Variants in CTAGE9 observed in about 807,000 individuals in gnomAD.
CTAGE9 encodes the protein CTAGE family member 9.
For synonymous variants in CTAGE9, 107 were observed against 315.9 expected (o/e 0.34, Z 7.01); for missense variants, 248 against 884.0 (o/e 0.28, Z 9.12).
Position 131,710,154 on chromosome 6 carries a change from C to T in CTAGE9, c.864G>A (p.Thr288=), listed in dbSNP as rs770397968. 1.4e-5 allele frequency: 23 copies of T among 1,613,550 alleles called. No individual in the cohort carries two copies. The highest frequency in any genetic ancestry group is 8.8e-5 in the South Asian group (8 of 91,050). ...CTTTTAATTCCAGGTTATCATCATC[C>T]GTTGTGTCTTCTTCAAGCACAGCAG... ...DQAAVLEEDT[T]DDDNLELKVN... Residue 288 remains threonine, a synonymous_variant, in exon 1 of 1, where the codon ACG becomes ACA. Transcript: ENST00000314099.
chr6:131,709,757 C>A lies in CTAGE9; in HGVS notation c.1261G>T (p.Glu421Ter), dbSNP rs569921351. The change falls in exon 1 of 1, where the codon GAA (glutamate) becomes TAA (stop). Residue 421 changes from glutamate to a stop codon, truncating the protein, a stop_gained. Transcript: ENST00000314099. LOFTEE classifies it low-confidence loss of function (END_TRUNC). ...EEEEKLSRVE[E>*]KISHATEELE... ...TCTTCAGTGGCATGGCTGATCTTTTCTTCCACTCTAGAAAGCTTCTCTTCT... is the reference window on the plus strand; with the variant it reads ...TCTTCAGTGGCATGGCTGATCTTTTATTCCACTCTAGAAAGCTTCTCTTCT... The A allele has an allele frequency of 1.9e-6, 3 of 1,613,872 alleles. No individual in the cohort carries two copies. The South Asian group carries it at 3.3e-5, about 18-fold the overall frequency.
chr6:131,710,800 C>G lies in CTAGE9; in HGVS notation c.218G>C (p.Gly73Ala), dbSNP rs766138979. The G allele has an allele frequency of 1.9e-6, 3 of 1,613,548 alleles. No homozygotes were observed. The highest frequency in any genetic ancestry group is 3.3e-5 in the Admixed American group (2 of 59,984). Residue 73 changes from glycine (G) to alanine (A), a missense_variant, in exon 1 of 1, where the codon GGA (glycine) becomes GCA (alanine). By Grantham distance (60) the Gly-to-Ala change is moderately conservative. Coordinates refer to ENST00000314099, the MANE Select transcript of CTAGE9 (RefSeq NM_001145659.1). ...FRSVRSRLYV[G>A]REQKLGATLS... is the part of the protein sequence containing the mutation. ...CGTTGCACCAAGTTTTTGCTCTCTT[C>G]CCACATAAAGCCGACTCCTAACCGA...
At position 131,709,698 on chromosome 6, in the gene CTAGE9, A is replaced by G; in HGVS notation, c.1320T>C (p.Leu440=). The G allele has an allele frequency of 1.9e-6, 3 of 1,613,608 alleles. No individual in the cohort carries two copies. Among genetic ancestry groups the G allele is most frequent in the Admixed American group, 1.7e-5 (1 of 59,964 alleles). The change falls in exon 1 of 1, where the codon CTT becomes CTC. Residue 440 remains leucine, a synonymous_variant. Coordinates refer to ENST00000314099, the MANE Select transcript of CTAGE9 (RefSeq NM_001145659.1). The stretch of plus-strand genomic sequence containing the variant: ...GAACAGTTCTCTCCAATTCTTCTTC[A>G]AGATCTTTGGCTAGCTTTCTATAGG... The part of the protein sequence containing the change: ...LETYRKLAKD[L]EEELERTVHF...
Position 131,710,871 on chromosome 6 carries a change from A to G in CTAGE9, c.147T>C (p.Val49=). ...AAAGGAGAACAACAAAAAATCCAAT[A>G]ACAGCTGCACATACCACCAGTTCCG... The part of the protein sequence containing the change: ...FPSELVVCAA[V]IGFFVVLLFL... Residue 49 remains valine, a synonymous_variant, in exon 1 of 1, where the codon GTT becomes GTC. Coordinates refer to ENST00000314099, the MANE Select transcript of CTAGE9 (RefSeq NM_001145659.1). 7 of 1,610,902 alleles carry G rather than the reference A, an allele frequency of 4.3e-6. No individual in the cohort carries two copies. The highest frequency in any genetic ancestry group is 5.1e-6 in the Non-Finnish European group (6 of 1,179,762).
Position 131,709,636 on chromosome 6 carries a change from C to G in CTAGE9, c.1382G>C (p.Arg461Thr), listed in dbSNP as rs769410729. ...YQKQVISYEK[R>T]GHDNWLAART... is the part of the protein sequence containing the mutation. The stretch of plus-strand genomic sequence containing the variant: ...AGCTGCCAACCAATTATCATGTCCT[C>G]TTTTCTCGTAGGAAATAACCTGCTT... The change falls in exon 1 of 1, where the codon AGA becomes ACA. Residue 461 changes from arginine (R) to threonine (T), a missense_variant. Arg to Thr is a moderately conservative substitution (Grantham distance 71). Transcript: ENST00000314099. 2.5e-6 allele frequency: 4 copies of G among 1,611,524 alleles called. No homozygotes were observed. Among genetic ancestry groups the G allele is most frequent in the Admixed American group, 1.7e-5 (1 of 59,806 alleles).
Position 131,710,585 on chromosome 6 carries a change from C to T in CTAGE9, c.433G>A (p.Glu145Lys). 6.2e-7 allele frequency: 1 copy of T among 1,613,332 alleles called. No individual in the cohort carries two copies. Among genetic ancestry groups the T allele is most frequent in the Non-Finnish European group, 8.5e-7 (1 of 1,179,862 alleles). Reference sequence around the variant, plus strand: ...AAGTCTTTTTCTAGACAGAGGATTTCATCCTCAAGTTCAGAATTGGACCTG... The same window carrying T: ...AAGTCTTTTTCTAGACAGAGGATTTTATCCTCAAGTTCAGAATTGGACCTG... ...LSRSNSELED[E>K]ILCLEKDLKE... Residue 145 changes from glutamate (E) to lysine (K), a missense_variant, in exon 1 of 1, where the codon GAA (glutamate) becomes AAA (lysine). Physicochemically the swap from Glu to Lys is moderately conservative, Grantham distance 56 (BLOSUM62 1). Transcript: ENST00000314099.
rs1383617044 is a variant in CTAGE9, at chr6:131,710,838, C to G, written c.180G>C (p.Trp60Cys). ...IGFFVVLLFL[W>C]RSFRSVRSRL... ...GACTCCTAACCGATCTAAAACTTCT[C>G]CACAAAAAAAGGAGAACAACAAAAA... Residue 60 changes from tryptophan (W) to cysteine (C), a missense_variant, in exon 1 of 1, where the codon TGG becomes TGC. Transcript: ENST00000314099. 1 of 1,613,020 alleles carries G rather than the reference C, an allele frequency of 6.2e-7. No individual in the cohort carries two copies. The highest frequency in any genetic ancestry group is 1.3e-5 in the African/African-American group (1 of 74,396).
Position 131,709,719 on chromosome 6 carries a change from A to G in CTAGE9, c.1299T>C (p.Tyr433=), listed in dbSNP as rs1295443067. The change falls in exon 1 of 1, where the codon TAT becomes TAC. Residue 433 remains tyrosine, a synonymous_variant. Transcript: ENST00000314099. The part of the protein sequence containing the change: ...ISHATEELET[Y]RKLAKDLEEE... ...CTTCAAGATCTTTGGCTAGCTTTCT[A>G]TAGGTCTCCAGCTCTTCAGTGGCAT... 7 of 1,613,822 alleles carry G rather than the reference A, an allele frequency of 4.3e-6. No homozygotes were observed. In the South Asian group the frequency reaches 5.5e-5, roughly 13 times the overall value.
Position 131,710,762 on chromosome 6 carries a change from T to G in CTAGE9, c.256A>C (p.Ile86Leu), listed in dbSNP as rs1779765408. 1 of 1,612,812 alleles carries G rather than the reference T, an allele frequency of 6.2e-7. No individual in the cohort carries two copies. The change falls in exon 1 of 1, where the codon ATT (isoleucine) becomes CTT (leucine). Residue 86 changes from isoleucine (I) to leucine (L), a missense_variant. Transcript: ENST00000314099. ...QKLGATLSGLIEEKCKLLEKF... is the reference protein window; with the variant it reads ...QKLGATLSGLLEEKCKLLEKF... ...TCAAGTAGTTTACATTTTTCTTCAA[T>G]TAGTCCAGAAAGCGTTGCACCAAGT...
chr6:131,710,198 G>A lies in CTAGE9; in HGVS notation c.820C>T (p.Pro274Ser), dbSNP rs759787693. 28 of 1,608,340 alleles carry A rather than the reference G, an allele frequency of 1.7e-5. No individual in the cohort carries two copies. Among genetic ancestry groups the A allele is most frequent in the South Asian group, 5.5e-5 (5 of 90,160 alleles). ...NHIKTLTGHLPMMKDQAAVLE... is the reference protein window; with the variant it reads ...NHIKTLTGHLSMMKDQAAVLE... ...ACAGCAGCCTGATCTTTCATCATTGGCAAGTGTCCAGTCAGGGTCTTGATG... is the reference window on the plus strand; with the variant it reads ...ACAGCAGCCTGATCTTTCATCATTGACAAGTGTCCAGTCAGGGTCTTGATG... The change falls in exon 1 of 1, where the codon CCA becomes TCA. Residue 274 changes from proline to serine, a missense_variant. Pro to Ser is a moderately conservative substitution (Grantham distance 74). Transcript: ENST00000314099.
Position 131,710,986 on chromosome 6 carries a change from T to G in CTAGE9, c.32A>C (p.Tyr11Ser). Reference protein sequence around the residue: MEEPGATPQPYLGLVLEELGR... With the variant: MEEPGATPQPSLGLVLEELGR... Reference sequence around the variant, plus strand: ...TAGCTCCTCCAGGACCAGCCCCAGGTAGGGCTGAGGGGTAGCACCAGGCTC... The same window carrying G: ...TAGCTCCTCCAGGACCAGCCCCAGGGAGGGCTGAGGGGTAGCACCAGGCTC... The change falls in exon 1 of 1, where the codon TAC becomes TCC. Residue 11 changes from tyrosine to serine, a missense_variant. Tyr to Ser is a moderately radical substitution (Grantham distance 144, BLOSUM62 -2). Coordinates refer to ENST00000314099, the MANE Select transcript of CTAGE9 (RefSeq NM_001145659.1). The G allele has an allele frequency of 6.3e-7, 1 of 1,576,518 alleles. No homozygotes were observed. The highest frequency in any genetic ancestry group is 8.5e-7 in the Non-Finnish European group (1 of 1,175,214).
Position 131,709,920 on chromosome 6 carries a change from C to T in CTAGE9, c.1098G>A (p.Leu366=). 1.3e-6 allele frequency: 2 copies of T among 1,576,604 alleles called. No homozygotes were observed. Among genetic ancestry groups the T allele is most frequent in the South Asian group, 2.3e-5 (2 of 87,014 alleles). ...IKNLQTQQAS[L]QSENIYFESE... is the part of the protein sequence containing the mutation. ...TTTCAAAATATATGTTTTCTGATTG[C>T]AAAGATGCTTGTTGAGTCTGAAGAT... Residue 366 remains leucine, a synonymous_variant, in exon 1 of 1, where the codon TTG becomes TTA. Transcript: ENST00000314099.
At position 131,710,812 on chromosome 6, in the gene CTAGE9, C is replaced by T. The variant is rs374439543; in HGVS notation, c.206G>A (p.Arg69Gln). Residue 69 changes from arginine (R) to glutamine (Q), a missense_variant, in exon 1 of 1, where the codon CGG becomes CAG. Arg to Gln is a conservative substitution (Grantham distance 43, BLOSUM62 1). Coordinates refer to ENST00000314099, the MANE Select transcript of CTAGE9 (RefSeq NM_001145659.1). ...TTTTTGCTCTCTTCCCACATAAAGC[C>T]GACTCCTAACCGATCTAAAACTTCT... Reference protein sequence around the residue: ...LWRSFRSVRSRLYVGREQKLG... With the variant: ...LWRSFRSVRSQLYVGREQKLG... 286 of 1,613,408 alleles carry T rather than the reference C, an allele frequency of 1.8e-4. No individual in the cohort carries two copies. In the African/African-American group the frequency reaches 2.9e-3, roughly 16 times the overall value.
chr6:131,709,708 G>C lies in CTAGE9; in HGVS notation c.1310C>G (p.Ala437Gly). 3 of 1,613,696 alleles carry C rather than the reference G, an allele frequency of 1.9e-6. No individual in the cohort carries two copies. The highest frequency in any genetic ancestry group is 2.5e-6 in the Non-Finnish European group (3 of 1,179,868). ...CTCCAATTCTTCTTCAAGATCTTTG[G>C]CTAGCTTTCTATAGGTCTCCAGCTC... ...TEELETYRKLAKDLEEELERT... is the reference protein window; with the variant it reads ...TEELETYRKLGKDLEEELERT... Residue 437 changes from alanine (A) to glycine (G), a missense_variant, in exon 1 of 1, where the codon GCC (alanine) becomes GGC (glycine). Transcript: ENST00000314099.
At position 131,709,975 on chromosome 6, in the gene CTAGE9, G is replaced by C; in HGVS notation, c.1043C>G (p.Thr348Arg). The part of the protein sequence containing the change: ...IIIQLSEVDK[T>R]KEELTEHIKN... The stretch of plus-strand genomic sequence containing the variant: ...AATATGCTCTGTAAGCTCTTCCTTT[G>C]TTTTGTCCACTTCAGATAACTGAAT... Residue 348 changes from threonine to arginine, a missense_variant, in exon 1 of 1, where the codon ACA (threonine) becomes AGA (arginine). Physicochemically the swap from Thr to Arg is moderately conservative, Grantham distance 71. Transcript: ENST00000314099. The C allele has an allele frequency of 6.3e-7, 1 of 1,599,302 alleles. No individual in the cohort carries two copies. Among genetic ancestry groups the C allele is most frequent in the Middle Eastern group, 2.3e-4 (1 of 4,410 alleles).
rs759309266 is a variant in CTAGE9, at chr6:131,710,947, G to C, written c.71C>G (p.Ala24Gly). Residue 24 changes from alanine to glycine, a missense_variant, in exon 1 of 1, where the codon GCA becomes GGA. By Grantham distance (60) the Ala-to-Gly change is moderately conservative (BLOSUM62 0). Coordinates refer to ENST00000314099, the MANE Select transcript of CTAGE9 (RefSeq NM_001145659.1). ...LVLEELGRVV[A>G]ALPESMRPDE... ...TGGTCTCATACTCTCAGGTAGTGCT[G>C]CCACAACTCTGCCTAGCTCCTCCAG... 5 of 1,554,916 alleles carry C rather than the reference G, an allele frequency of 3.2e-6. No homozygotes were observed. Among genetic ancestry groups the C allele is most frequent in the Middle Eastern group, 2.2e-4 (1 of 4,480 alleles).
rs1468776484 is a variant in CTAGE9 at position 131,710,050 on chromosome 6, T to A, written c.968A>T (p.Lys323Met). ...GALKKLIHAAKLNVSLKSLEG... is the reference protein window; with the variant it reads ...GALKKLIHAAMLNVSLKSLEG... ...TAAGCTTTTTAAAGAAACATTTAAC[T>A]TAGCAGCATGAATCAGTTTCTTCAA... Residue 323 changes from lysine to methionine, a missense_variant, in exon 1 of 1, where the codon AAG (lysine) becomes ATG (methionine). Coordinates refer to ENST00000314099, the MANE Select transcript of CTAGE9 (RefSeq NM_001145659.1). The A allele has an allele frequency of 6.8e-6, 11 of 1,612,776 alleles. No homozygotes were observed. In the South Asian group the frequency reaches 1.2e-4, roughly 18 times the overall value.
rs377155141 is a variant in CTAGE9 at position 131,710,870 on chromosome 6, T to C, written c.148A>G (p.Ile50Val). The change falls in exon 1 of 1, where the codon ATT becomes GTT. Residue 50 changes from isoleucine (I) to valine (V), a missense_variant. Coordinates refer to ENST00000314099, the MANE Select transcript of CTAGE9 (RefSeq NM_001145659.1). ...PSELVVCAAVIGFFVVLLFLW... is the reference protein window; with the variant it reads ...PSELVVCAAVVGFFVVLLFLW... ...AAAAGGAGAACAACAAAAAATCCAA[T>C]AACAGCTGCACATACCACCAGTTCC... The C allele has an allele frequency of 2.5e-6, 4 of 1,610,870 alleles. No homozygotes were observed. The South Asian group carries it at 4.4e-5, about 18-fold the overall frequency.
Position 131,710,564 on chromosome 6 carries a change from C to T in CTAGE9, c.454G>A (p.Asp152Asn), listed in dbSNP as rs746115212. Residue 152 changes from aspartate (D) to asparagine (N), a missense_variant, in exon 1 of 1, where the codon GAC (aspartate) becomes AAC (asparagine). By Grantham distance (23) the Asp-to-Asn change is conservative. Coordinates refer to ENST00000314099, the MANE Select transcript of CTAGE9 (RefSeq NM_001145659.1). ...LEDEILCLEK[D>N]LKEEKSKHSQ... ...TGTTTAGATTTCTCTTCTTTTAAGT[C>T]TTTTTCTAGACAGAGGATTTCATCC... 1.9e-6 allele frequency: 3 copies of T among 1,612,854 alleles called. No homozygotes were observed. The highest frequency in any genetic ancestry group is 2.5e-6 in the Non-Finnish European group (3 of 1,179,810).
Sources: gnomAD v4.1 joint callset for allele counts on GRCh38, gnomAD v4.1.1 for gene constraint, MANE v1.5 for transcripts, NCBI Gene and HGNC (gene_info 2026-07-23, HGNC 2026-07-21) for gene names.